Variants in DAB1 observed in about 807,000 individuals in gnomAD.
DAB1 encodes the protein disabled homolog 1.
Under a neutral mutation model 64.6 loss-of-function variants are expected in DAB1, and 15 were observed. The ratio of observed to expected loss-of-function variants is 0.23; its 90% confidence interval spans 0.16 to 0.36. The LOEUF is 0.36. Among genes scored for constraint, DAB1 ranks in the 10% least tolerant of loss-of-function variants. The pLI, the probability that DAB1 is intolerant of heterozygous loss-of-function variation, is 1.00. For missense variants in DAB1, 596 were observed against 706.7 expected (o/e 0.84, Z 1.78); for synonymous variants, 235 against 251.9 (o/e 0.93, Z 0.64).
intron 3 of DAB1, among the ~76,000 whole-genome samples, chr1:58,500,770 T>C (rs1028170408): frequency 7.9e-5 from 12 of 152,158 alleles, no homozygotes; most frequent in African/African-American, 2.7e-4. Flanking sequence ...AAAGAGGGGA[T>C]GGTGGAGAGA....
At chr1:58,121,410 G>C (rs1323955032) in intron 5 of DAB1, among the ~76,000 whole-genome samples, 1 of 152,028 alleles carries the variant, frequency 6.6e-6, no homozygotes, top group Non-Finnish European at 1.5e-5. Context: ...TCTTCCCCCA[G>C]GCCCAAGAGA....
intron 2 of DAB1, among the ~76,000 whole-genome samples, chr1:57,244,055 C>A (rs1051040834): frequency 9.2e-6 from 1 of 109,024 alleles, no homozygotes; most frequent in African/African-American, 2.9e-5. Context: ...GTTTCTGTAA[C>A]CTGGGAAAAC....
rs559295226 is a variant in DAB1 at position 58,133,571 on chromosome 1, CT to C, written n.387+16939del. ...AACAGATTTCCAGGGCCAGAGTATA[CT>C]AAATGTTTCTTTCACTGATTCATTT... On this transcript the variant is annotated intron_variant and non_coding_transcript_variant, in intron 5 of 20. Coordinates refer to the DAB1 transcript ENST00000485760. 3.5e-4 allele frequency among the ~76,000 whole-genome samples: 53 copies of C among 152,348 alleles called. 1 individual carries two copies. Among genetic ancestry groups the C allele is most frequent in the Admixed American group, 2.9e-3 (44 of 15,308 alleles).
At position 58,443,187 on chromosome 1, in the gene DAB1, T is replaced by C. The variant is rs369318138; in HGVS notation, n.257+62873A>G. ...CCCATCACCTACACTCCTCAACACA[T>C]ACTCACACATGCTTTTCCCTCATAC... is the stretch of plus-strand genomic sequence containing the variant. On this transcript the variant is annotated intron_variant and non_coding_transcript_variant, in intron 3 of 20. Transcript: ENST00000485760. 1.8e-3 allele frequency among the ~76,000 whole-genome samples: 278 copies of C among 152,306 alleles called. 6 individuals carry two copies. The South Asian group carries it at 0.053, about 29-fold the overall frequency.
intron 1 of DAB1, among the ~76,000 whole-genome samples, chr1:57,373,166 G>A (rs1158218643): frequency 6.6e-6 from 1 of 152,168 alleles, no homozygotes; most frequent in African/African-American, 2.4e-5. Context: ...CAGCTTGGGT[G>A]TGACAGAACA....
chr1:58,250,018 T>TC (rs1198670342), intron 4 of DAB1, among the ~76,000 whole-genome samples: 4 of 151,732 alleles, frequency 2.6e-5, no homozygotes, highest in Admixed American at 2.6e-4. Context: ...TCCAGACTTT[T>TC]CCCCCACTGC....
At chr1:57,755,496 T>A (rs1352910881) in intron 6 of DAB1, among the ~76,000 whole-genome samples, 1 of 152,294 alleles carries the variant, frequency 6.6e-6, no homozygotes, top group South Asian at 2.1e-4. Context: ...TGAATGAAAT[T>A]TTCTGGTTTT....
chr1:58,429,408 G>A (rs953773594), intron 3 of DAB1, among the ~76,000 whole-genome samples: 1 of 152,208 alleles, frequency 6.6e-6, no homozygotes, highest in African/African-American at 2.4e-5. Context: ...TCCAGGAATT[G>A]AGGAGAAACT....
intron 3 of DAB1, among the ~76,000 whole-genome samples, chr1:58,351,622 G>A (rs1022446501): frequency 6.6e-6 from 1 of 151,866 alleles, no homozygotes; most frequent in African/African-American, 2.4e-5. Context: ...TTGGTAAGGT[G>A]AGAGGTCAAT....
At chr1:57,526,981 C>T (rs185405768) in intron 7 of DAB1, among the ~76,000 whole-genome samples, 58 of 152,236 alleles carry the variant, frequency 3.8e-4, no homozygotes, top group Middle Eastern at 3.4e-3. Flanking sequence ...CCATTTAATA[C>T]TCACCTCAAC....
chr1:57,137,430 C>T (rs1237102331), intron 3 of DAB1, among the ~76,000 whole-genome samples: 1 of 152,180 alleles, frequency 6.6e-6, no homozygotes, highest in Non-Finnish European at 1.5e-5. Flanking sequence ...TGAATATGTG[C>T]TATCCAGAGT....
At chr1:58,365,304 T>G in intron 3 of DAB1, among the ~76,000 whole-genome samples, 1 of 152,090 alleles carries the variant, frequency 6.6e-6, no homozygotes, top group African/African-American at 2.4e-5. Flanking sequence ...AAGAGAGTCA[T>G]AGTAGATAGG....
intron 3 of DAB1, among the ~76,000 whole-genome samples, chr1:58,363,012 A>G (rs1644182147): frequency 6.6e-6 from 1 of 152,200 alleles, no homozygotes; most frequent in South Asian, 2.1e-4. Context: ...GTCTGCTCAC[A>G]TGGCAGATAA....
At chr1:57,765,227 G>A (rs1649259223) in intron 6 of DAB1, among the ~76,000 whole-genome samples, 1 of 152,126 alleles carries the variant, frequency 6.6e-6, no homozygotes, top group East Asian at 1.9e-4. Context: ...ATGTTTTGTT[G>A]TCAAGGGAGG....
At chr1:57,574,035 G>A (rs533221041) in intron 7 of DAB1, among the ~76,000 whole-genome samples, 1 of 152,324 alleles carries the variant, frequency 6.6e-6, no homozygotes, top group East Asian at 1.9e-4. Context: ...GTGGTTCTTA[G>A]AGAAGAATGA....
At chr1:58,055,348 C>G (rs1647983796) in intron 5 of DAB1, among the ~76,000 whole-genome samples, 2 of 152,154 alleles carry the variant, frequency 1.3e-5, no homozygotes, top group South Asian at 4.1e-4. Flanking sequence ...ACTCTCATCC[C>G]CCAGGTATCA....
chr1:57,158,757 CACTT>C (rs139218130), intron 2 of DAB1, among the ~76,000 whole-genome samples: 3,692 of 152,244 alleles, frequency 0.024, 141 homozygotes, highest in African/African-American at 0.085. Context: ...AGGAAAAACA[CACTT>C]AGGGGGCTGT....
intron 6 of DAB1, among the ~76,000 whole-genome samples, chr1:57,678,744 C>T (rs549138212): frequency 4.7e-5 from 7 of 149,876 alleles, no homozygotes; most frequent in Admixed American, 3.3e-4. Context: ...CTCTGGCATT[C>T]GTCCAGTGAG....
chr1:57,251,186 T>A (rs1331063979), intron 2 of DAB1, among the ~76,000 whole-genome samples: 1 of 152,222 alleles, frequency 6.6e-6, no homozygotes, highest in Non-Finnish European at 1.5e-5. Context: ...TGAATGACCG[T>A]CCTTGAATAT....
Sources: allele counts gnomAD v4.1 joint callset (sites outside exome capture counted in the v4.1 genomes callset), GRCh38; gene constraint gnomAD v4.1.1; transcripts MANE v1.5; gene names NCBI Gene and HGNC (gene_info 2026-07-23, HGNC 2026-07-21).